The following GAP43 variants were observed in gnomAD, a reference collection of about 807,000 sequenced individuals.
GAP43 encodes the protein neuromodulin.
In GAP43, 6 loss-of-function variants were observed where a neutral mutation model predicts 18.6. That is an observed-to-expected ratio of 0.32 (90% CI 0.18 to 0.64). The LOEUF (loss-of-function observed/expected upper bound fraction) is 0.64, where lower values mean the gene tolerates loss of function less well. Ranked by LOEUF, GAP43 falls within the 30% of genes least tolerant of loss-of-function variation. GAP43 has a pLI of 0.78. For synonymous variants in GAP43, 115 were observed against 111.4 expected, an observed-to-expected ratio of 1.03 and a Z score of -0.20; for missense variants, 292 against 295.5, an observed-to-expected ratio of 0.99 and a Z score of 0.09.
intron 1 of GAP43, among the ~76,000 whole-genome samples, chr3:115,638,139 C>T (rs1258110067): frequency 6.6e-6 from 1 of 152,050 alleles, no homozygotes; most frequent in African/African-American, 2.4e-5. Context: ...ACCCTCAACC[C>T]TTTACAATCT....
intron 2 of GAP43, among the ~76,000 whole-genome samples, chr3:115,697,913 T>C (rs1256319735): frequency 6.8e-6 from 1 of 146,488 alleles, no homozygotes; most frequent in African/African-American, 2.6e-5. Flanking sequence ...CTCAATGTGA[T>C]TGGAACGTTT....
chr3:115,643,187 C>A (rs1425140749), intron 1 of GAP43, among the ~76,000 whole-genome samples: 1 of 152,040 alleles, frequency 6.6e-6, no homozygotes, highest in African/African-American at 2.4e-5. Context: ...ATCTCAATAC[C>A]TAGACTCAGT....
chr3:115,625,187 A>T (rs1708171042), intron 1 of GAP43, among the ~76,000 whole-genome samples: 1 of 148,394 alleles, frequency 6.7e-6, no homozygotes, highest in African/African-American at 2.5e-5. Context: ...ATGTCAGAGC[A>T]GTGGGAGTAG....
At chr3:115,663,805 C>T in intron 1 of GAP43, 1 of 1,551,768 alleles carries the variant, frequency 6.4e-7, no homozygotes, top group Non-Finnish European at 8.7e-7. Flanking sequence ...CTGAATTATG[C>T]CACCCCGCAC....
At chr3:115,690,541 A>T (rs975566276) in intron 2 of GAP43, among the ~76,000 whole-genome samples, 1 of 152,030 alleles carries the variant, frequency 6.6e-6, no homozygotes, top group South Asian at 2.1e-4. Flanking sequence ...GTCTTCATCT[A>T]TAAGATAGAG....
rs67744380 is a variant in GAP43 at position 115,675,758 on chromosome 3, CAAAAAAAAAAAAAAAA to C, written c.31-240_31-225del. 7.9e-5 allele frequency among the ~76,000 whole-genome samples: 4 copies of C among 50,528 alleles called. No homozygotes were observed. In the Admixed American group the frequency reaches 1.0e-3, roughly 13 times the overall value. The allele number at this position is 50,528 out of a possible 152,430, so 33.1% of individuals were successfully genotyped here. A position where few individuals can be genotyped will look rare whatever the true frequency, so the allele number is the denominator to read the frequency against. On this transcript the variant is annotated intron_variant, in intron 1 of 2. Transcript: ENST00000305124. ...TGGGTGACAGACTGAGACTCTATCT[CAAAAAAAAAAAAAAAA>C]AAAAAAAAAAAAAATGGCCAGTGAT...
At chr3:115,652,018 A>G (rs1708524018) in intron 1 of GAP43, among the ~76,000 whole-genome samples, 1 of 151,906 alleles carries the variant, frequency 6.6e-6, no homozygotes. Flanking sequence ...ATTTTCTTCC[A>G]CCTTCATAGC....
intron 1 of GAP43, among the ~76,000 whole-genome samples, chr3:115,675,573 C>A (rs1445190930): frequency 6.6e-6 from 1 of 151,938 alleles, no homozygotes; most frequent in Admixed American, 6.6e-5. Flanking sequence ...CCAGCCTGAA[C>A]AACATGATGA....
intron 1 of GAP43, among the ~76,000 whole-genome samples, chr3:115,628,231 TC>T (rs899439863): frequency 6.6e-6 from 1 of 151,820 alleles, no homozygotes; most frequent in Non-Finnish European, 1.5e-5. Context: ...CTCTTGCTCC[TC>T]CCCCCGTGTT....
intron 2 of GAP43, among the ~76,000 whole-genome samples, chr3:115,687,865 G>GTA (rs1275910374): frequency 1.3e-5 from 2 of 152,168 alleles, no homozygotes; most frequent in Middle Eastern, 3.4e-3. Flanking sequence ...ATCTTTTCAG[G>GTA]CAGGCATCCA....
intron 2 of GAP43, among the ~76,000 whole-genome samples, chr3:115,715,764 A>T (rs1363140669): frequency 6.6e-6 from 1 of 152,160 alleles, no homozygotes; most frequent in Non-Finnish European, 1.5e-5. Context: ...TAATGGTACA[A>T]TTTTTAAACG....
At chr3:115,706,400 G>C (rs1296783190) in intron 2 of GAP43, among the ~76,000 whole-genome samples, 1 of 152,118 alleles carries the variant, frequency 6.6e-6, no homozygotes, top group Non-Finnish European at 1.5e-5. Flanking sequence ...ACCCAGCTGG[G>C]GGGTAGGCTG....
At chr3:115,646,856 T>C (rs1021470839) in intron 1 of GAP43, among the ~76,000 whole-genome samples, 2 of 152,034 alleles carry the variant, frequency 1.3e-5, no homozygotes, top group South Asian at 4.1e-4. Context: ...TCACTTTATA[T>C]ATTAAGTATC....
At chr3:115,698,044 T>TGTATATA (rs1709223059) in intron 2 of GAP43, among the ~76,000 whole-genome samples, 4 of 71,640 alleles carry the variant, frequency 5.6e-5, no homozygotes, top group African/African-American at 4.0e-4. Context: ...AAATATATAT[T>TGTATATA]ATATATTATA....
intron 1 of GAP43, among the ~76,000 whole-genome samples, chr3:115,642,512 C>G (rs752573453): frequency 6.6e-6 from 1 of 151,522 alleles, no homozygotes; most frequent in Non-Finnish European, 1.5e-5. Flanking sequence ...AGAATGTGCT[C>G]TTAAATAATT....
chr3:115,699,756 A>C (rs183493684), intron 2 of GAP43, among the ~76,000 whole-genome samples: 1 of 152,264 alleles, frequency 6.6e-6, no homozygotes, highest in Admixed American at 6.5e-5. Context: ...GAAGGATTTT[A>C]TTTAATTAAA....
Position 115,720,987 on chromosome 3 carries a change from C to A in GAP43, c.*105C>A. The A allele has an allele frequency of 3.4e-6, 2 of 584,956 alleles. No homozygotes were observed. Among genetic ancestry groups the A allele is most frequent in the South Asian group, 5.3e-5 (2 of 37,938 alleles). The allele number at this position is 584,956 out of a possible 1,614,324, so 36.2% of individuals were successfully genotyped here. On this transcript the variant is annotated 3_prime_UTR_variant, in exon 3 of 3. Coordinates refer to ENST00000305124, the MANE Select transcript of GAP43 (RefSeq NM_002045.4). ...CTGAAGTCCCTTCCTGTCCTGCTCA[C>A]GTCTGTGAGTCTGTCCTTTCCCACC...
rs182403437 is a variant in GAP43 at position 115,648,583 on chromosome 3, G to A, written c.30+24864G>A. On this transcript the variant is annotated intron_variant, in intron 1 of 2. Coordinates refer to ENST00000305124, the MANE Select transcript of GAP43 (RefSeq NM_002045.4). ...ATGATTTTTATTTCCAGCATGGCCA[G>A]CATGAGGAAAACATCCAGAAAGAAA... 1.5e-3 allele frequency among the ~76,000 whole-genome samples: 232 copies of A among 152,256 alleles called. 6 individuals carry two copies. The highest frequency in any genetic ancestry group is 2.6e-4 in the Non-Finnish European group (18 of 67,998).
At chr3:115,720,490 G>A (rs1379951489) in intron 2 of GAP43, among the ~76,000 whole-genome samples, 2 of 152,140 alleles carry the variant, frequency 1.3e-5, no homozygotes, top group Admixed American at 6.5e-5. Flanking sequence ...GATCCTGTAT[G>A]TGGATACCTT....
Sources: allele counts gnomAD v4.1 joint callset (sites outside exome capture counted in the v4.1 genomes callset), GRCh38; gene constraint gnomAD v4.1.1; transcripts MANE v1.5; gene names NCBI Gene and HGNC (gene_info 2026-07-23, HGNC 2026-07-21).